The following CTNNBL1 variants were observed in gnomAD, a reference collection of about 807,000 sequenced individuals.
CTNNBL1 encodes beta-catenin-like protein 1.
A neutral mutation model predicts 72.7 loss-of-function variants in CTNNBL1; 31 were observed. The observed-to-expected ratio is 0.43, with a 90% CI of 0.32 to 0.58. The LOEUF (loss-of-function observed/expected upper bound fraction) is 0.58. Ranked by LOEUF, CTNNBL1 falls within the 20% of genes least tolerant of loss-of-function variation. The probability of loss-of-function intolerance (pLI) is 0.08; values close to 1 mark genes in which losing one functional copy is unlikely to be tolerated. For synonymous variants in CTNNBL1, 240 were observed against 267.3 expected, an observed-to-expected ratio of 0.90 and a Z score of 1.00; for missense variants, 534 against 725.1, an observed-to-expected ratio of 0.74 and a Z score of 3.03.
chr20:37,867,920 G>T (rs1459392759), intron 15 of CTNNBL1, among the ~76,000 whole-genome samples: 1 of 152,174 alleles, frequency 6.6e-6, no homozygotes, highest in African/African-American at 2.4e-5. Context: ...GCTTCCCCGG[G>T]CAGTGGATGA....
At chr20:37,708,902 G>A (rs1034930557) in intron 1 of CTNNBL1, among the ~76,000 whole-genome samples, 2 of 152,132 alleles carry the variant, frequency 1.3e-5, no homozygotes, top group East Asian at 3.9e-4. Flanking sequence ...ACTTTGGGAC[G>A]CCGAGGTGGG....
chr20:37,753,589 G>C (rs556062254), intron 4 of CTNNBL1, among the ~76,000 whole-genome samples: 1 of 152,320 alleles, frequency 6.6e-6, no homozygotes, highest in South Asian at 2.1e-4. Flanking sequence ...GGAAAGGGGG[G>C]ACCATGCTCT....
At position 37,696,208 on chromosome 20, in the gene CTNNBL1, G is replaced by A. The variant is rs115388886; in HGVS notation, c.30+2056G>A. On this transcript the variant is annotated intron_variant, in intron 1 of 15. Coordinates refer to ENST00000361383, the MANE Select transcript of CTNNBL1 (RefSeq NM_030877.5). ...GATTCTTGCTTTTGTGGAGCATCTG[G>A]TGGGAAGTTACAAGATAATAAGTAA... Among the ~76,000 whole-genome samples, 837 of 152,280 alleles carry A rather than the reference G, an allele frequency of 5.5e-3. 6 individuals are homozygous for A. Among genetic ancestry groups the A allele is most frequent in the African/African-American group, 0.019 (793 of 41,550 alleles).
At chr20:37,770,906 G>A (rs1480145946) in intron 7 of CTNNBL1, among the ~76,000 whole-genome samples, 1 of 152,254 alleles carries the variant, frequency 6.6e-6, no homozygotes, top group East Asian at 1.9e-4. Context: ...AGGCCAGCAA[G>A]AGGGCATGTC....
chr20:37,802,166 A>C (rs1227312338), intron 10 of CTNNBL1, among the ~76,000 whole-genome samples: 1 of 152,222 alleles, frequency 6.6e-6, no homozygotes, highest in African/African-American at 2.4e-5. Flanking sequence ...TGTGTTATTC[A>C]GCAATAAAAA....
chr20:37,747,175 T>A (rs2073273489), intron 4 of CTNNBL1, among the ~76,000 whole-genome samples: 1 of 152,146 alleles, frequency 6.6e-6, no homozygotes, highest in Non-Finnish European at 1.5e-5. Context: ...GTCAGCAGTT[T>A]GAGACCACCC....
In CTNNBL1 at chr20:37,785,989, TG is replaced by T. The variant is rs377659090; in HGVS notation, c.1031+6656del. Reference sequence around the variant, plus strand: ...GGGCATCCCAAGCTCAGTAACACTCTGGCTCTTGTAGACTTGTAGAGGTACC... The same window carrying T: ...GGGCATCCCAAGCTCAGTAACACTCTGCTCTTGTAGACTTGTAGAGGTACC... On this transcript the variant is annotated intron_variant, in intron 10 of 15. Coordinates refer to ENST00000361383, the MANE Select transcript of CTNNBL1 (RefSeq NM_030877.5). 1.4e-3 allele frequency among the ~76,000 whole-genome samples: 209 copies of T among 152,390 alleles called. 1 individual carries two copies. Among genetic ancestry groups the T allele is most frequent in the African/African-American group, 4.9e-3 (202 of 41,596 alleles).
At chr20:37,836,747 T>C (rs2072257870) in intron 11 of CTNNBL1, among the ~76,000 whole-genome samples, 1 of 152,234 alleles carries the variant, frequency 6.6e-6, no homozygotes, top group South Asian at 2.1e-4. Flanking sequence ...GGTCAGTGGA[T>C]GAGGGAGTAA....
At chr20:37,742,497 A>G (rs2122615882) in intron 3 of CTNNBL1, among the ~76,000 whole-genome samples, 1 of 152,326 alleles carries the variant, frequency 6.6e-6, no homozygotes, top group South Asian at 2.1e-4. Context: ...CCCTTATGAA[A>G]CTGTATCTCT....
At chr20:37,734,301 C>T (rs141854864) in intron 2 of CTNNBL1, among the ~76,000 whole-genome samples, 340 of 152,226 alleles carry the variant, frequency 2.2e-3, no homozygotes, top group African/African-American at 7.6e-3. Flanking sequence ...TTTAGAAATA[C>T]GTGGTGGGAG....
At position 37,812,720 on chromosome 20, in the gene CTNNBL1, G is replaced by A. The variant is rs962004579; in HGVS notation, c.1213+9672G>A. ...GCTGGAAGCTGAACAGGTTCACACA[G>A]CCCAGCCAGGGAGACATAGAAACCT... On this transcript the variant is annotated intron_variant, in intron 11 of 15. Transcript: ENST00000361383. Among the ~76,000 whole-genome samples, 12 of 152,326 alleles carry A rather than the reference G, an allele frequency of 7.9e-5. No homozygotes were observed. The South Asian group carries it at 1.2e-3, about 16-fold the overall frequency.
At chr20:37,802,505 A>G (rs933569086) in intron 10 of CTNNBL1, among the ~76,000 whole-genome samples, 3 of 152,218 alleles carry the variant, frequency 2.0e-5, no homozygotes, top group African/African-American at 7.2e-5. Flanking sequence ...ATAGTATGCG[A>G]ATTGTCTCAA....
chr20:37,848,910 A>G (rs1039194706), intron 13 of CTNNBL1, among the ~76,000 whole-genome samples: 6 of 151,638 alleles, frequency 4.0e-5, no homozygotes, highest in Non-Finnish European at 7.3e-5. Flanking sequence ...GACATCACCC[A>G]TAGGCTCTTC....
intron 10 of CTNNBL1, among the ~76,000 whole-genome samples, chr20:37,782,422 T>G (rs960817331): frequency 1.3e-5 from 2 of 152,212 alleles, no homozygotes; most frequent in Non-Finnish European, 2.9e-5. Context: ...TTTAATATTT[T>G]TGTCTACTTT....
chr20:37,793,348 A>G (rs1018977624), intron 10 of CTNNBL1, among the ~76,000 whole-genome samples: 1 of 152,170 alleles, frequency 6.6e-6, no homozygotes, highest in Admixed American at 6.5e-5. Flanking sequence ...CTTTTGTTTA[A>G]TCGACCCTTT....
At chr20:37,823,191 G>A (rs1001278414) in intron 11 of CTNNBL1, among the ~76,000 whole-genome samples, 2 of 152,180 alleles carry the variant, frequency 1.3e-5, no homozygotes, top group Admixed American at 1.3e-4. Flanking sequence ...TCACTACAGA[G>A]ATGACTGCCT....
intron 13 of CTNNBL1, among the ~76,000 whole-genome samples, chr20:37,855,106 CAA>C (rs34429259): frequency 0.78 from 101,305 of 130,636 alleles, 38,467 homozygotes; most frequent in Middle Eastern, 0.87. Flanking sequence ...TCTAATAAGC[CAA>C]AAAAAAAAAA....
At chr20:37,746,740 C>G in intron 4 of CTNNBL1, 133 bp downstream of exon 4, 1 of 1,170,868 alleles carries the variant, frequency 8.5e-7, no homozygotes, top group Non-Finnish European at 1.3e-6. Flanking sequence ...TATCTTCTGT[C>G]TTGAAACACA....
intron 4 of CTNNBL1, among the ~76,000 whole-genome samples, chr20:37,749,597 T>A (rs2073299709): frequency 1.3e-5 from 2 of 152,332 alleles, no homozygotes; most frequent in South Asian, 2.1e-4. Context: ...TGATATTTTT[T>A]AAAATCTGAT....
Sources: gnomAD v4.1 joint callset for allele counts (sites outside exome capture counted in the v4.1 genomes callset) on GRCh38, gnomAD v4.1.1 for gene constraint, MANE v1.5 for transcripts, NCBI Gene and HGNC (gene_info 2026-07-23, HGNC 2026-07-21) for gene names.